The following CD247 variants were observed in gnomAD, a reference collection of about 807,000 sequenced individuals.
CD247 encodes the protein T-cell surface glycoprotein CD3 zeta chain.
In CD247, 13 loss-of-function variants were observed where a neutral mutation model predicts 30.0. The observed-to-expected ratio is 0.43, with a 90% CI of 0.28 to 0.69. The LOEUF is 0.69. Among genes scored for constraint, CD247 ranks in the 30% least tolerant of loss-of-function variants. The pLI is 0.16. For missense variants in CD247, 193 were observed against 212.6 expected (o/e 0.91, Z 0.57); for synonymous variants, 72 against 80.0 (o/e 0.90, Z 0.53).
intron 1 of CD247, among the ~76,000 whole-genome samples, chr1:167,502,250 G>A (rs894718777): frequency 2.0e-5 from 3 of 152,240 alleles, no homozygotes; most frequent in African/African-American, 7.2e-5. Context: ...ATTGAGCCAC[G>A]GTGTGGTGCA....
intron 1 of CD247, among the ~76,000 whole-genome samples, chr1:167,441,876 T>A (rs1009813859): frequency 2.6e-5 from 4 of 152,212 alleles, no homozygotes; most frequent in African/African-American, 9.6e-5. Context: ...TTTGGGAGGC[T>A]GACATGGGTG....
In CD247 at chr1:167,438,593, C is replaced by T. The variant is rs770320255; in HGVS notation, c.277G>A (p.Asp93Asn). ...YDVLDKRRGR[D>N]PEMGGKPQRR... ...ACCGGCTTTCCCCCCATCTCAGGGT[C>T]CCGGCCACGTCTCTTGTCCAAAACA... Residue 93 changes from aspartate to asparagine, a missense_variant, in exon 4 of 8, where the codon GAC (aspartate) becomes AAC (asparagine). Asp to Asn is a conservative substitution (Grantham distance 23). Transcript: ENST00000362089. 1 of 1,614,066 alleles carries T rather than the reference C, an allele frequency of 6.2e-7. No individual in the cohort carries two copies. The highest frequency in any genetic ancestry group is 2.2e-5 in the East Asian group (1 of 44,870).
chr1:167,455,804 C>T (rs1281560869), intron 1 of CD247, among the ~76,000 whole-genome samples: 3 of 152,194 alleles, frequency 2.0e-5, no homozygotes, highest in African/African-American at 7.2e-5. Context: ...CAAAGGAGCC[C>T]GACACCAGGG....
intron 1 of CD247, among the ~76,000 whole-genome samples, chr1:167,513,613 A>C (rs2102123708): frequency 6.6e-6 from 1 of 152,292 alleles, no homozygotes; most frequent in East Asian, 1.9e-4. Flanking sequence ...TTTATACTAT[A>C]ATCCAGTCTT....
intron 1 of CD247, among the ~76,000 whole-genome samples, chr1:167,510,770 GTTAATC>G (rs1655353890): frequency 6.6e-6 from 1 of 152,184 alleles, no homozygotes; most frequent in Non-Finnish European, 1.5e-5. Flanking sequence ...GTAGGGGTTT[GTTAATC>G]TTAAATGGTG....
intron 1 of CD247, among the ~76,000 whole-genome samples, chr1:167,498,140 G>C (rs1364106181): frequency 6.6e-6 from 1 of 152,182 alleles, no homozygotes; most frequent in African/African-American, 2.4e-5. Flanking sequence ...AAAGGCAGTG[G>C]CTTCTGTTGC....
At chr1:167,495,134 T>C (rs894945771) in intron 1 of CD247, among the ~76,000 whole-genome samples, 3 of 152,212 alleles carry the variant, frequency 2.0e-5, no homozygotes, top group Non-Finnish European at 4.4e-5. Context: ...AGCAACAGCA[T>C]TGTGGTTAGT....
At chr1:167,479,098 A>G (rs1653865793) in intron 1 of CD247, among the ~76,000 whole-genome samples, 1 of 152,222 alleles carries the variant, frequency 6.6e-6, no homozygotes. Context: ...AAGATAAACC[A>G]TCCTGTTACT....
intron 1 of CD247, among the ~76,000 whole-genome samples, chr1:167,486,452 C>T (rs1654212050): frequency 6.6e-6 from 1 of 152,206 alleles, no homozygotes; most frequent in Non-Finnish European, 1.5e-5. Flanking sequence ...TGTGAAAATA[C>T]TTTGTAAACT....
chr1:167,472,867 C>A (rs1653587653), intron 1 of CD247, among the ~76,000 whole-genome samples: 1 of 152,090 alleles, frequency 6.6e-6, no homozygotes, highest in African/African-American at 2.4e-5. Flanking sequence ...GGCCTAGTGA[C>A]CCCCATGGCC....
intron 2 of CD247, 114 bp from the exon 3 acceptor site, chr1:167,439,514 A>C: frequency 1.1e-6 from 1 of 893,482 alleles, no homozygotes; most frequent in African/African-American, 1.6e-5. Context: ...TTGGCAACTA[A>C]CAATGCTGCC....
At chr1:167,469,018 T>G (rs963953508) in intron 1 of CD247, among the ~76,000 whole-genome samples, 4 of 152,078 alleles carry the variant, frequency 2.6e-5, no homozygotes, top group African/African-American at 7.2e-5. Flanking sequence ...TTGCTTTGTT[T>G]TGTCTTTTTC....
intron 1 of CD247, among the ~76,000 whole-genome samples, chr1:167,482,841 C>A (rs970093413): frequency 7.2e-5 from 11 of 152,090 alleles, no homozygotes; most frequent in African/African-American, 2.7e-4. Flanking sequence ...TAGGACAGAG[C>A]CCAGGTCTAT....
intron 1 of CD247, among the ~76,000 whole-genome samples, chr1:167,503,449 T>C (rs939865695): frequency 3.3e-5 from 5 of 152,198 alleles, no homozygotes; most frequent in African/African-American, 1.2e-4. Flanking sequence ...TTAATTTCCA[T>C]TGCATTGCAT....
chr1:167,499,746 G>T (rs1654828927), intron 1 of CD247, among the ~76,000 whole-genome samples: 2 of 152,176 alleles, frequency 1.3e-5, no homozygotes, highest in Admixed American at 1.3e-4. Flanking sequence ...ATGTAACTGT[G>T]CAGAGGGAGA....
intron 1 of CD247, among the ~76,000 whole-genome samples, chr1:167,446,884 G>A (rs1013828172): frequency 1.3e-5 from 2 of 152,140 alleles, no homozygotes; most frequent in African/African-American, 4.8e-5. Context: ...GGTCCCAGCT[G>A]CTCAGGAGGC....
intron 1 of CD247, among the ~76,000 whole-genome samples, chr1:167,506,299 CTTT>C (rs1655127291): frequency 1.9e-5 from 1 of 53,646 alleles, no homozygotes; most frequent in African/African-American, 9.8e-5. Context: ...TTTTTCTTTT[CTTT>C]TCCTTTCCTT....
At position 167,512,873 on chromosome 1, in the gene CD247, C is replaced by G. The variant is rs540567835; in HGVS notation, c.58+5535G>C. Among the ~76,000 whole-genome samples the G allele has an allele frequency of 3.3e-5, 5 of 152,338 alleles. No individual in the cohort carries two copies. The East Asian group carries it at 9.6e-4, about 29-fold the overall frequency. Reference sequence around the variant, plus strand: ...TCCTCTCCTTCCACCATAGTGCCTGCTCCAGAGGAGACACAAAGGCTTGGA... The same window carrying G: ...TCCTCTCCTTCCACCATAGTGCCTGGTCCAGAGGAGACACAAAGGCTTGGA... On this transcript the variant is annotated intron_variant, in intron 1 of 7. Transcript: ENST00000362089.
chr1:167,492,353 C>T (rs536785117), intron 1 of CD247, among the ~76,000 whole-genome samples: 2 of 152,144 alleles, frequency 1.3e-5, no homozygotes, highest in African/African-American at 2.4e-5. Flanking sequence ...ACCCCTGCGG[C>T]GCCAACTAGA....
Sources: gnomAD v4.1 joint callset for allele counts (sites outside exome capture counted in the v4.1 genomes callset) on GRCh38, gnomAD v4.1.1 for gene constraint, MANE v1.5 for transcripts, NCBI Gene and HGNC (gene_info 2026-07-23, HGNC 2026-07-21) for gene names.